The following PALM2AKAP2 variants were observed in gnomAD, a reference collection of about 807,000 sequenced individuals.
PALM2AKAP2 encodes PALM2-AKAP2 fusion protein.
In PALM2AKAP2, 37 loss-of-function variants were observed where a neutral mutation model predicts 71.5. The observed-to-expected ratio is 0.52, with a 90% CI of 0.40 to 0.68. The LOEUF (loss-of-function observed/expected upper bound fraction) is 0.68. Among genes scored for constraint, PALM2AKAP2 ranks in the 30% least tolerant of loss-of-function variants. The pLI, the probability that PALM2AKAP2 is intolerant of heterozygous loss-of-function variation, is 0.00. For missense variants in PALM2AKAP2, 1,224 were observed against 1,191.8 expected, an observed-to-expected ratio of 1.03 and a Z score of -0.40; for synonymous variants, 468 against 478.8, an observed-to-expected ratio of 0.98 and a Z score of 0.29.
intron 6 of PALM2AKAP2, among the ~76,000 whole-genome samples, chr9:109,992,077 T>C (rs1361000675): frequency 2.0e-5 from 3 of 152,196 alleles, no homozygotes; most frequent in Admixed American, 1.3e-4. Context: ...GAAATTAATT[T>C]CTTCTCTCAC....
At chr9:109,942,990 C>T (rs757166366) in intron 6 of PALM2AKAP2, 6 of 1,614,064 alleles carry the variant, frequency 3.7e-6, no homozygotes, top group Admixed American at 1.7e-5. Context: ...CCAAGGAACA[C>T]ATGCTCTGCA....
rs77038288 is a variant in PALM2AKAP2, at chr9:109,732,777, G to A, written c.6-47711G>A. ...GAGAATGGCTGAAATGGAAAGGGTA[G>A]CAGGGAGAAGGTCTCCCTTTCAAGA... is the stretch of plus-strand genomic sequence containing the variant. On this transcript the variant is annotated intron_variant, in intron 1 of 6. Transcript: ENST00000374531. Among the ~76,000 whole-genome samples, 382 of 152,334 alleles carry A rather than the reference G, an allele frequency of 2.5e-3. 2 individuals carry two copies. The highest frequency in any genetic ancestry group is 0.014 in the Middle Eastern group (4 of 294).
At chr9:109,724,699 T>C (rs1828451296) in intron 1 of PALM2AKAP2, among the ~76,000 whole-genome samples, 1 of 152,212 alleles carries the variant, frequency 6.6e-6, no homozygotes, top group African/African-American at 2.4e-5. Context: ...TGTCTTGTTA[T>C]TATCCCCATT....
intron 6 of PALM2AKAP2, among the ~76,000 whole-genome samples, chr9:110,015,055 T>G (rs908765874): frequency 3.3e-5 from 5 of 151,898 alleles, no homozygotes; most frequent in Non-Finnish European, 5.9e-5. Context: ...GGATGTCCAC[T>G]CTTGGAGACA....
chr9:109,770,786 C>A (rs1829248605), intron 1 of PALM2AKAP2, among the ~76,000 whole-genome samples: 1 of 152,104 alleles, frequency 6.6e-6, no homozygotes, highest in Non-Finnish European at 1.5e-5. Context: ...GTGTCAACAT[C>A]CAGAAGGATA....
At chr9:109,895,402 C>T (rs560374289) in intron 3 of PALM2AKAP2, among the ~76,000 whole-genome samples, 1 of 152,294 alleles carries the variant, frequency 6.6e-6, no homozygotes, top group East Asian at 1.9e-4. Context: ...CAGTCAGTGT[C>T]CCAGCTGAAT....
intron 6 of PALM2AKAP2, among the ~76,000 whole-genome samples, chr9:109,988,367 C>G (rs1422189470): frequency 6.6e-6 from 1 of 152,134 alleles, no homozygotes; most frequent in Non-Finnish European, 1.5e-5. Flanking sequence ...TTTATATAGT[C>G]ATTGTGCCAG....
At chr9:110,020,145 A>G (rs967230685) in intron 7 of PALM2AKAP2, among the ~76,000 whole-genome samples, 2 of 152,168 alleles carry the variant, frequency 1.3e-5, no homozygotes, top group African/African-American at 2.4e-5. Context: ...AACCTGATAC[A>G]CTGACACTTT....
intron 1 of PALM2AKAP2, among the ~76,000 whole-genome samples, chr9:109,691,526 G>A (rs878939027): frequency 6.6e-6 from 1 of 151,720 alleles, no homozygotes; most frequent in Admixed American, 6.6e-5. Flanking sequence ...TAAGGACAAT[G>A]GTGTTCTTTG....
intron 2 of PALM2AKAP2, among the ~76,000 whole-genome samples, chr9:110,140,985 C>T (rs1158711220): frequency 6.6e-6 from 1 of 152,240 alleles, no homozygotes; most frequent in African/African-American, 2.4e-5. Flanking sequence ...CGGGCACAAA[C>T]ATTCAGACCG....
At chr9:110,001,384 G>A (rs1373194168) in intron 6 of PALM2AKAP2, among the ~76,000 whole-genome samples, 3 of 152,008 alleles carry the variant, frequency 2.0e-5, no homozygotes, top group Admixed American at 2.0e-4. Context: ...TCTCTGTTTT[G>A]GTACCAGTAC....
rs150533694 is a variant in PALM2AKAP2, at chr9:109,934,983, G to A, written c.496+2955G>A. 4.1e-4 allele frequency among the ~76,000 whole-genome samples: 63 copies of A among 152,232 alleles called. 3 individuals carry two copies. In the East Asian group the frequency reaches 7.1e-3, roughly 17 times the overall value. On this transcript the variant is annotated intron_variant, in intron 6 of 9. Transcript: ENST00000302798. ...TTAGATTGTCTCTCAAGAATGTTGCGGGTTTCATGGAGGCACTGAGGAACC... is the reference window on the plus strand; with the variant it reads ...TTAGATTGTCTCTCAAGAATGTTGCAGGTTTCATGGAGGCACTGAGGAACC...
At chr9:109,727,757 A>G (rs189879512) in intron 1 of PALM2AKAP2, among the ~76,000 whole-genome samples, 5 of 152,368 alleles carry the variant, frequency 3.3e-5, no homozygotes, top group Admixed American at 3.3e-4. Flanking sequence ...AATGTTCAGA[A>G]GAAATTGCAA....
intron 3 of PALM2AKAP2, among the ~76,000 whole-genome samples, chr9:109,904,875 A>G (rs1343994317): frequency 6.6e-6 from 1 of 152,204 alleles, no homozygotes; most frequent in Non-Finnish European, 1.5e-5. Context: ...CTCTGGGTGG[A>G]TTTTAAGTGG....
At chr9:110,011,014 A>AAATATATATAT (rs35212981) in intron 6 of PALM2AKAP2, among the ~76,000 whole-genome samples, 16 of 69,584 alleles carry the variant, frequency 2.3e-4, no homozygotes, top group African/African-American at 1.0e-3. Flanking sequence ...AAAAAAAAAA[A>AAATATATATAT]ATATATATAT....
intron 1 of PALM2AKAP2, among the ~76,000 whole-genome samples, chr9:110,126,239 T>C (rs1835602733): frequency 6.6e-6 from 1 of 152,002 alleles, no homozygotes; most frequent in Non-Finnish European, 1.5e-5. Flanking sequence ...TTCTCTTTTC[T>C]TGGGGCTCTG....
intron 1 of PALM2AKAP2, among the ~76,000 whole-genome samples, chr9:109,851,175 TCAA>T (rs1363599182): frequency 1.2e-4 from 15 of 130,134 alleles, no homozygotes; most frequent in East Asian, 2.5e-4. Context: ...AGACTCCGTC[TCAA>T]CAACAACAAC....
At chr9:109,978,962 C>T (rs2132184808) in intron 6 of PALM2AKAP2, among the ~76,000 whole-genome samples, 1 of 151,980 alleles carries the variant, frequency 6.6e-6, no homozygotes, top group Middle Eastern at 3.4e-3. Flanking sequence ...TTTCTGTCTT[C>T]TCCACAAGCC....
intron 6 of PALM2AKAP2, among the ~76,000 whole-genome samples, chr9:110,011,895 G>T (rs1832889811): frequency 6.6e-6 from 1 of 152,120 alleles, no homozygotes. Flanking sequence ...CAAGATACTG[G>T]TGTAGAACAG....
Sources: allele counts gnomAD v4.1 joint callset (sites outside exome capture counted in the v4.1 genomes callset), GRCh38; gene constraint gnomAD v4.1.1; transcripts MANE v1.5; gene names NCBI Gene and HGNC (gene_info 2026-07-23, HGNC 2026-07-21).